Variants in RBPJ observed in about 807,000 individuals in gnomAD.
RBPJ encodes the protein recombining binding protein suppressor of hairless.
In RBPJ, 9 loss-of-function variants were observed where a neutral mutation model predicts 67.8. The observed-to-expected ratio is 0.13, with a 90% CI of 0.08 to 0.23. RBPJ has a LOEUF of 0.23. RBPJ is among the 10% of genes least tolerant of loss of function. RBPJ has a pLI of 1.00. For synonymous variants in RBPJ, 198 were observed against 203.3 expected, an observed-to-expected ratio of 0.97 and a Z score of 0.22; for missense variants, 305 against 595.6, an observed-to-expected ratio of 0.51 and a Z score of 5.08.
intron 1 of RBPJ, among the ~76,000 whole-genome samples, chr4:26,232,645 T>G (rs1560221287): frequency 6.6e-6 from 1 of 152,230 alleles, no homozygotes; most frequent in African/African-American, 2.4e-5. Flanking sequence ...CTCTTCTCTA[T>G]AACAACAACA....
At position 26,264,318 on chromosome 4, in the gene RBPJ, T is replaced by C. The variant is rs1053338349; in HGVS notation, c.-166-98128T>C. ...GATCTTAGTAATTAATTATTATTAA[T>C]ACTTATTAATTCATTAATCAATGAA... is the stretch of plus-strand genomic sequence containing the variant. On this transcript the variant is annotated intron_variant, in intron 1 of 4. Transcript: ENST00000512351. The surrounding 1 kb of genome is among the most constrained non-coding windows in gnomAD (Gnocchi z 4.1). 3.3e-5 allele frequency among the ~76,000 whole-genome samples: 5 copies of C among 152,194 alleles called. No individual in the cohort carries two copies. The highest frequency in any genetic ancestry group is 1.2e-4 in the African/African-American group (5 of 41,454).
chr4:26,172,630 C>T (rs1716636853), intron 1 of RBPJ, among the ~76,000 whole-genome samples: 1 of 152,156 alleles, frequency 6.6e-6, no homozygotes, highest in Non-Finnish European at 1.5e-5. Flanking sequence ...TGGAATGTCA[C>T]TCTCCTTTAT....
intron 1 of RBPJ, among the ~76,000 whole-genome samples, chr4:26,256,972 G>T (rs1171969200): frequency 1.3e-5 from 2 of 152,118 alleles, no homozygotes; most frequent in Non-Finnish European, 2.9e-5. Context: ...GTAATTACCT[G>T]CAGCTTTCAA....
At chr4:26,310,023 G>A (rs1349659923) in intron 1 of RBPJ, among the ~76,000 whole-genome samples, 2 of 152,066 alleles carry the variant, frequency 1.3e-5, no homozygotes, top group African/African-American at 4.8e-5. Context: ...TTACCTTCTT[G>A]AACTGCTGCA....
intron 1 of RBPJ, among the ~76,000 whole-genome samples, chr4:26,253,534 A>G (rs1282224859): frequency 6.6e-6 from 1 of 151,052 alleles, no homozygotes; most frequent in Admixed American, 6.6e-5. Flanking sequence ...GATGGTCTCG[A>G]TCTCCTGACC....
intron 1 of RBPJ, among the ~76,000 whole-genome samples, chr4:26,247,944 C>A (rs1719982004): frequency 6.6e-6 from 1 of 152,042 alleles, no homozygotes; most frequent in African/African-American, 2.4e-5. Context: ...CAGCATCACA[C>A]AATATATTCA....
chr4:26,141,123 G>A, the RBPJ span, among the ~76,000 whole-genome samples: 8 of 152,180 alleles, frequency 5.3e-5, no homozygotes, highest in African/African-American at 1.7e-4. Flanking sequence ...ATAAGACAAG[G>A]CCAATAATCC....
rs988868287 is a variant in RBPJ at position 26,244,487 on chromosome 4, A to G, written c.-167+80873A>G. ...TATATATGTATACATATGTGTGTAT[A>G]CATATATGTGTGTATATATGTATAC... On this transcript the variant is annotated intron_variant, in intron 1 of 4. Transcript: ENST00000512351. Among the ~76,000 whole-genome samples, 16 of 107,442 alleles carry G rather than the reference A, an allele frequency of 1.5e-4. 2 individuals are homozygous for G. The highest frequency in any genetic ancestry group is 2.8e-4 in the Non-Finnish European group (13 of 45,952). The allele number at this position is 107,442 out of a possible 152,430, so 70.5% of individuals were successfully genotyped here.
chr4:26,282,136 CTTTTTT>C (rs869155604), intron 1 of RBPJ, among the ~76,000 whole-genome samples: 6 of 51,854 alleles, frequency 1.2e-4, no homozygotes, highest in Admixed American at 2.9e-4. Flanking sequence ...CTCTCTCTCT[CTTTTTT>C]TTTTTTTTTT....
chr4:26,301,303 A>T (rs1238191761), intron 1 of RBPJ, among the ~76,000 whole-genome samples: 1 of 152,182 alleles, frequency 6.6e-6, no homozygotes, highest in East Asian at 1.9e-4. Context: ...AAATAAAAAA[A>T]CAGGGATAGC....
At chr4:26,428,471 C>A in intron 7 of RBPJ, 1 of 373,730 alleles carries the variant, frequency 2.7e-6, no homozygotes. Flanking sequence ...GCCTGCCTGC[C>A]TGATTTTTTT....
At chr4:26,320,334 C>G (rs1433136186), upstream of RBPJ, among the ~76,000 whole-genome samples, 1 of 152,178 alleles carries the variant, frequency 6.6e-6, no homozygotes, top group African/African-American at 2.4e-5. Context: ...GGCGAGAGAG[C>G]TCAACTGCAA....
chr4:26,344,543 T>C (rs1725935282), intron 1 of RBPJ, among the ~76,000 whole-genome samples: 1 of 152,176 alleles, frequency 6.6e-6, no homozygotes, highest in Admixed American at 6.5e-5. Context: ...CTGCTAACTA[T>C]AATTATTAAA....
intron 1 of RBPJ, among the ~76,000 whole-genome samples, chr4:26,271,114 C>T (rs1720904278): frequency 6.6e-6 from 1 of 152,000 alleles, no homozygotes; most frequent in African/African-American, 2.4e-5. Context: ...CTATGTTTCC[C>T]AGGCTGGTCT....
intron 1 of RBPJ, among the ~76,000 whole-genome samples, chr4:26,378,687 GT>G (rs1730007688): frequency 6.6e-6 from 1 of 152,136 alleles, no homozygotes; most frequent in Admixed American, 6.5e-5. Context: ...ATTGGTGTTT[GT>G]TTGTTTTTTA....
At chr4:26,220,748 C>T (rs1718875775) in intron 1 of RBPJ, among the ~76,000 whole-genome samples, 1 of 152,232 alleles carries the variant, frequency 6.6e-6, no homozygotes, top group African/African-American at 2.4e-5. Context: ...CCTATCTCCA[C>T]AGATGAGGAA....
At chr4:26,158,222 G>A in the RBPJ span, among the ~76,000 whole-genome samples, 1 of 152,102 alleles carries the variant, frequency 6.6e-6, no homozygotes, top group African/African-American at 2.4e-5. Flanking sequence ...CTTGATCAAG[G>A]GTGGAGACTG....
At position 26,323,208 on chromosome 4, in the gene RBPJ, AATC is replaced by A. The variant is rs1189569409; in HGVS notation, c.20+2161_20+2163del. 1.9e-4 allele frequency among the ~76,000 whole-genome samples: 29 copies of A among 152,166 alleles called. No homozygotes were observed. The East Asian group carries it at 5.0e-3, about 26-fold the overall frequency. Reference sequence around the variant, plus strand: ...GGTCGCTTGAGTGGGTTTTACCAATAATCTTATGTCTCCCTTACTTGTTCTTGT... The same window carrying A: ...GGTCGCTTGAGTGGGTTTTACCAATATTATGTCTCCCTTACTTGTTCTTGT... On this transcript the variant is annotated intron_variant, in intron 1 of 10. Coordinates refer to ENST00000355476, the MANE Select transcript of RBPJ (RefSeq NM_015874.6).
chr4:26,429,821 G>C, intron 8 of RBPJ, 77 bp from the exon 9 acceptor site: 1 of 1,211,004 alleles, frequency 8.3e-7, no homozygotes. Context: ...CTTGTCTGAG[G>C]GTTACTTGGT....
Sources: allele counts gnomAD v4.1 joint callset (sites outside exome capture counted in the v4.1 genomes callset), GRCh38; gene constraint gnomAD v4.1.1; non-coding constraint Gnocchi (gnomAD v3.1); transcripts MANE v1.5; gene names NCBI Gene and HGNC (gene_info 2026-07-23, HGNC 2026-07-21).